The following NCOA1 variants were observed in gnomAD, a reference collection of about 807,000 sequenced individuals.
NCOA1 encodes Hin-2 protein.
Under a neutral mutation model 150.9 loss-of-function variants are expected in NCOA1, and 35 were observed. The ratio of observed to expected loss-of-function variants is 0.23; its 90% CI spans 0.18 to 0.31. NCOA1 has a LOEUF of 0.31. Ranked by LOEUF, NCOA1 falls within the 10% of genes least tolerant of loss-of-function variation. NCOA1 has a pLI of 1.00. For missense variants in NCOA1, 1,491 were observed against 1,749.3 expected, an observed-to-expected ratio of 0.85 and a Z score of 2.63; for synonymous variants, 590 against 630.0, an observed-to-expected ratio of 0.94 and a Z score of 0.95.
chr2:24,614,977 T>A lies in NCOA1; in HGVS notation c.-174-28989T>A, dbSNP rs1312588248. ...CCACTTGTATTCCCATTTTAGAGAT[T>A]AGCAAATCAAAGCACAGAGAAATTG... On this transcript the variant is annotated intron_variant, in intron 3 of 22. Coordinates refer to ENST00000348332, the MANE Select transcript of NCOA1 (RefSeq NM_003743.5). Among the ~76,000 whole-genome samples the A allele has an allele frequency of 2.6e-5, 4 of 152,176 alleles. No homozygotes were observed. The East Asian group carries it at 7.7e-4, about 29-fold the overall frequency.
At chr2:24,701,651 T>C (rs1673167935) in intron 11 of NCOA1, among the ~76,000 whole-genome samples, 1 of 152,228 alleles carries the variant, frequency 6.6e-6, no homozygotes, top group Non-Finnish European at 1.5e-5. Flanking sequence ...ACAAATGACT[T>C]GACTTGTTCT....
chr2:24,553,682 A>G (rs1665959684), intron 1 of NCOA1, among the ~76,000 whole-genome samples: 1 of 152,226 alleles, frequency 6.6e-6, no homozygotes, highest in Non-Finnish European at 1.5e-5. Flanking sequence ...TATATTGGCT[A>G]GATTCATTTG....
chr2:24,691,412 C>T (rs1672662581), intron 8 of NCOA1, 69 bp from the exon 9 acceptor site: 15 of 1,453,084 alleles, frequency 1.0e-5, no homozygotes, highest in Non-Finnish European at 1.4e-5. Flanking sequence ...TAAAGTACAT[C>T]TTTTGTATCT....
intron 1 of NCOA1, among the ~76,000 whole-genome samples, chr2:24,534,984 G>A (rs1002760292): frequency 7.9e-5 from 12 of 152,112 alleles, no homozygotes; most frequent in African/African-American, 1.9e-4. Context: ...GCAAAGCTGC[G>A]TTCAAGACCT....
chr2:24,493,541 A>G (rs1317682282), intron 1 of NCOA1, among the ~76,000 whole-genome samples: 3 of 152,084 alleles, frequency 2.0e-5, no homozygotes. Context: ...TGTGCCTATT[A>G]AATTGCTTTT....
At chr2:24,524,806 C>T (rs1295273432) in intron 1 of NCOA1, among the ~76,000 whole-genome samples, 2 of 152,150 alleles carry the variant, frequency 1.3e-5, no homozygotes, top group Non-Finnish European at 2.9e-5. Context: ...GACGGGGTTT[C>T]ACCATGTTGG....
At chr2:24,590,297 T>C (rs1667602406) in intron 3 of NCOA1, among the ~76,000 whole-genome samples, 1 of 152,194 alleles carries the variant, frequency 6.6e-6, no homozygotes, top group East Asian at 1.9e-4. Context: ...TGAGAGCATA[T>C]CTACTCTCAG....
intron 3 of NCOA1, among the ~76,000 whole-genome samples, chr2:24,590,300 A>T (rs1020161846): frequency 6.6e-6 from 1 of 151,950 alleles, no homozygotes; most frequent in Admixed American, 6.6e-5. Context: ...GAGCATATCT[A>T]CTCTCAGTAC....
At chr2:24,638,510 T>G (rs1670042729) in intron 3 of NCOA1, among the ~76,000 whole-genome samples, 1 of 152,162 alleles carries the variant, frequency 6.6e-6, no homozygotes, top group African/African-American at 2.4e-5. Flanking sequence ...GTAGTAGGAT[T>G]GCTGGATTAT....
chr2:24,720,228 C>T (rs1475299293), intron 14 of NCOA1, among the ~76,000 whole-genome samples: 3 of 152,120 alleles, frequency 2.0e-5, no homozygotes, highest in Admixed American at 2.0e-4. Context: ...ATGGTTGCCT[C>T]TATTGAGAAG....
At chr2:24,720,788 G>C (rs557731884) in intron 14 of NCOA1, among the ~76,000 whole-genome samples, 2 of 152,278 alleles carry the variant, frequency 1.3e-5, no homozygotes, top group Admixed American at 1.3e-4. Flanking sequence ...CTAATTCTCT[G>C]CCCCACTCTT....
chr2:24,660,457 G>A (rs1408709806), intron 5 of NCOA1, among the ~76,000 whole-genome samples: 1 of 151,640 alleles, frequency 6.6e-6, no homozygotes, highest in East Asian at 1.9e-4. Flanking sequence ...ATAATTATGT[G>A]TGTATTTTAT....
intron 3 of NCOA1, among the ~76,000 whole-genome samples, chr2:24,593,778 G>A (rs115633397): frequency 1.0e-3 from 153 of 152,182 alleles, no homozygotes; most frequent in African/African-American, 3.6e-3. Context: ...GTTGTCATGC[G>A]TACAGGTATT....
intron 15 of NCOA1, among the ~76,000 whole-genome samples, chr2:24,727,344 A>T (rs569610649): frequency 3.9e-5 from 6 of 152,310 alleles, no homozygotes; most frequent in South Asian, 4.1e-4. Flanking sequence ...AATTGGCCTC[A>T]GTACAATAAT....
intron 14 of NCOA1, among the ~76,000 whole-genome samples, chr2:24,714,609 C>T (rs557042681): frequency 6.6e-6 from 1 of 151,802 alleles, no homozygotes; most frequent in East Asian, 1.9e-4. Flanking sequence ...AAAAAAAGAG[C>T]AATAAACATG....
chr2:24,734,677 T>C (rs1312617502), intron 17 of NCOA1, among the ~76,000 whole-genome samples: 1 of 152,068 alleles, frequency 6.6e-6, no homozygotes, highest in African/African-American at 2.4e-5. Context: ...TGTGGTGATG[T>C]GCACCTGTAG....
At chr2:24,615,005 T>A (rs1177913839) in intron 3 of NCOA1, among the ~76,000 whole-genome samples, 1 of 152,226 alleles carries the variant, frequency 6.6e-6, no homozygotes, top group Non-Finnish European at 1.5e-5. Context: ...AGAAATTGAA[T>A]TATTCAAGTT....
intron 3 of NCOA1, among the ~76,000 whole-genome samples, chr2:24,600,521 A>T (rs1668069188): frequency 1.3e-5 from 2 of 152,100 alleles, no homozygotes; most frequent in Admixed American, 1.3e-4. Context: ...TGAAATTATT[A>T]TGTTTTTTAT....
chr2:24,647,339 C>T (rs1670521763), intron 4 of NCOA1, among the ~76,000 whole-genome samples: 1 of 152,130 alleles, frequency 6.6e-6, no homozygotes, highest in Admixed American at 6.5e-5. Context: ...TCCTCTGCCG[C>T]TTAAGTTGTT....
Sources: gnomAD v4.1 joint callset for allele counts (sites outside exome capture counted in the v4.1 genomes callset) on GRCh38, gnomAD v4.1.1 for gene constraint, MANE v1.5 for transcripts, NCBI Gene and HGNC (gene_info 2026-07-23, HGNC 2026-07-21) for gene names.